The following DLG5 variants were observed in gnomAD, a reference collection of about 807,000 sequenced individuals.
DLG5 encodes discs large MAGUK scaffold protein 5.
Under a neutral mutation model 189.8 loss-of-function variants are expected in DLG5, and 48 were observed. That is an observed-to-expected ratio of 0.25 (90% CI 0.20 to 0.32). DLG5 has a LOEUF of 0.32. Ranked by LOEUF, DLG5 falls within the 10% of genes least tolerant of loss-of-function variation. The pLI, the probability that DLG5 is intolerant of heterozygous loss-of-function variation, is 1.00. For missense variants in DLG5, 2,160 were observed against 2,544.7 expected, an observed-to-expected ratio of 0.85 and a Z score of 3.25; for synonymous variants, 1,016 against 1,054.1, an observed-to-expected ratio of 0.96 and a Z score of 0.70.
intron 1 of DLG5, among the ~76,000 whole-genome samples, chr10:77,903,580 T>A (rs1484229628): frequency 6.7e-6 from 1 of 148,452 alleles, no homozygotes; most frequent in African/African-American, 2.5e-5. Context: ...ATCGTGACAC[T>A]GCACTTCAGC....
intron 24 of DLG5, among the ~76,000 whole-genome samples, chr10:77,808,210 C>T (rs893636653): frequency 5.3e-5 from 8 of 152,226 alleles, no homozygotes; most frequent in African/African-American, 1.9e-4. Context: ...GTTCTGGTGA[C>T]TGGCAAGTCT....
intron 5 of DLG5, among the ~76,000 whole-genome samples, chr10:77,850,443 T>A (rs1431996728): frequency 1.6e-4 from 25 of 152,246 alleles, no homozygotes; most frequent in Non-Finnish European, 3.7e-4. Flanking sequence ...TATCCATTCA[T>A]CGGTCAGTAG....
chr10:77,933,710 T>G, the DLG5 span, among the ~76,000 whole-genome samples: 1 of 150,410 alleles, frequency 6.6e-6, no homozygotes, highest in Middle Eastern at 3.5e-3. Context: ...GGTAACAGAG[T>G]AAGACTCTGC....
chr10:77,823,036 G>A (rs1842445243), intron 14 of DLG5, among the ~76,000 whole-genome samples: 1 of 152,178 alleles, frequency 6.6e-6, no homozygotes, highest in Non-Finnish European at 1.5e-5. Flanking sequence ...CACCAAGACT[G>A]AACCTTAATG....
chr10:77,872,784 T>C (rs1195617338), intron 1 of DLG5, among the ~76,000 whole-genome samples: 4 of 152,066 alleles, frequency 2.6e-5, no homozygotes, highest in South Asian at 2.1e-4. Flanking sequence ...CGGCGTCATC[T>C]ACCTCTGGGG....
chr10:77,841,282 G>A (rs1843402146), intron 7 of DLG5, among the ~76,000 whole-genome samples: 1 of 152,196 alleles, frequency 6.6e-6, no homozygotes, highest in Admixed American at 6.5e-5. Context: ...AGTTGAGCTA[G>A]GTGGCCCAAT....
Position 77,833,930 on chromosome 10 carries a change from C to T in DLG5, c.1732G>A (p.Glu578Lys), listed in dbSNP as rs765853170. The T allele has an allele frequency of 8.1e-6, 13 of 1,606,624 alleles. No homozygotes were observed. The highest frequency in any genetic ancestry group is 2.2e-5 in the East Asian group (1 of 44,838). Residue 578 changes from glutamate (E) to lysine (K), a missense_variant, in exon 9 of 32, where the codon GAG (glutamate) becomes AAG (lysine). Glu to Lys is a moderately conservative substitution (Grantham distance 56). This residue lies in a region of DLG5 where 664 missense variants were observed against 838.5 expected (regional missense o/e 0.79). Coordinates refer to ENST00000372391, the MANE Select transcript of DLG5 (RefSeq NM_004747.4). The stretch of plus-strand genomic sequence containing the variant: ...CGAGCCTACTTGAGCTCCTTCAGCT[C>T]GCGGCTGACATCATTCTTCTGCTTG... ...TRKQKNDVSR[E>K]LKELKEQMES...
At chr10:77,913,199 C>G (rs534848845) in intron 1 of DLG5, among the ~76,000 whole-genome samples, 1 of 152,282 alleles carries the variant, frequency 6.6e-6, no homozygotes, top group South Asian at 2.1e-4. Context: ...TTCAGGATTG[C>G]AAGTCGCCAC....
At chr10:77,923,129 G>C (rs1226885194) in intron 1 of DLG5, among the ~76,000 whole-genome samples, 4 of 152,244 alleles carry the variant, frequency 2.6e-5, no homozygotes, top group Admixed American at 2.0e-4. Context: ...ATCTCCAACA[G>C]AGAATCGGTG....
intron 15 of DLG5, chr10:77,820,318 C>T (rs996437288): frequency 8.3e-6 from 2 of 242,316 alleles, no homozygotes; most frequent in Non-Finnish European, 1.6e-5. Flanking sequence ...TGTACTCCAG[C>T]CTGGGTGACA....
At position 77,926,529 on chromosome 10, in the gene DLG5, G is replaced by A; in HGVS notation, c.-9C>T. ...CGGCGCTGGGGCTCCATGGTGGCGG[G>A]CCGCGCCGCCCCGCCCCGCCGGACG... is the stretch of plus-strand genomic sequence containing the variant. On this transcript the variant is annotated 5_prime_UTR_variant, in exon 1 of 32. Transcript: ENST00000372391. The surrounding 1 kb of genome is among the most constrained non-coding windows in gnomAD (Gnocchi z 5.2). The A allele has an allele frequency of 2.4e-6, 3 of 1,272,540 alleles. No homozygotes were observed. The highest frequency in any genetic ancestry group is 3.1e-5 in the East Asian group (1 of 31,830). The allele number at this position is 1,272,540 out of a possible 1,614,324, so 78.8% of individuals were successfully genotyped here.
intron 1 of DLG5, among the ~76,000 whole-genome samples, chr10:77,905,602 C>T (rs1439395090): frequency 2.0e-5 from 3 of 152,160 alleles, no homozygotes; most frequent in African/African-American, 7.2e-5. Context: ...AGCTATGTAA[C>T]AGCATGGGTA....
At chr10:77,854,115 G>C (rs1844113449) in intron 4 of DLG5, 112 bp downstream of exon 4, 5 of 1,380,688 alleles carry the variant, frequency 3.6e-6, no homozygotes, top group African/African-American at 1.4e-5. Context: ...GCTTGCTCTT[G>C]CACAGGGACA....
intron 13 of DLG5, among the ~76,000 whole-genome samples, chr10:77,828,557 T>C (rs1182554221): frequency 6.6e-6 from 1 of 151,642 alleles, no homozygotes; most frequent in African/African-American, 2.4e-5. Context: ...GTGGTTCTTA[T>C]TTCCCGCTTA....
chr10:77,837,085 T>C (rs948873970), intron 7 of DLG5, among the ~76,000 whole-genome samples: 3 of 151,604 alleles, frequency 2.0e-5, no homozygotes, highest in Non-Finnish European at 2.9e-5. Flanking sequence ...CATGGTGGCA[T>C]GTGCCTGTGG....
At chr10:77,833,517 A>G (rs1297644810) in intron 9 of DLG5, among the ~76,000 whole-genome samples, 1 of 151,848 alleles carries the variant, frequency 6.6e-6, no homozygotes, top group Non-Finnish European at 1.5e-5. Context: ...GCTGGCCCAT[A>G]CAGAGCAGGT....
At chr10:77,833,295 G>A (rs1046785877) in intron 9 of DLG5, among the ~76,000 whole-genome samples, 6 of 151,968 alleles carry the variant, frequency 3.9e-5, no homozygotes, top group African/African-American at 1.5e-4. Context: ...CCAAATGGAC[G>A]TCCAAATAAC....
intron 5 of DLG5, among the ~76,000 whole-genome samples, chr10:77,847,773 C>T (rs1843765631): frequency 6.6e-6 from 1 of 152,104 alleles, no homozygotes. Context: ...TTAAAGTGAT[C>T]ACAGTTCACT....
chr10:77,807,083 G>A (rs1405974726), intron 25 of DLG5, among the ~76,000 whole-genome samples, 155 bp from the exon 26 acceptor site: 1 of 152,174 alleles, frequency 6.6e-6, no homozygotes, highest in African/African-American at 2.4e-5. Context: ...TCTCAAAGTG[G>A]GGAGCCCTGT....
Sources: allele counts gnomAD v4.1 joint callset (sites outside exome capture counted in the v4.1 genomes callset), GRCh38; gene constraint gnomAD v4.1.1; regional missense constraint gnomAD v4.1.1; non-coding constraint Gnocchi (gnomAD v3.1); transcripts MANE v1.5; gene names NCBI Gene and HGNC (gene_info 2026-07-23, HGNC 2026-07-21).